The following LINGO2 variants were observed in gnomAD, a reference collection of about 807,000 sequenced individuals.
The protein encoded by LINGO2 is leucine-rich repeat and immunoglobulin-like domain-containing nogo receptor-interacting protein 2.
In LINGO2, 14 loss-of-function variants were observed where a neutral mutation model predicts 30.6. That is an observed-to-expected ratio of 0.46 (90% CI 0.30 to 0.72). The LOEUF (loss-of-function observed/expected upper bound fraction) is 0.72. LINGO2 is among the 30% of genes least tolerant of loss of function. The probability of loss-of-function intolerance (pLI) is 0.07; values close to 1 mark genes in which losing one functional copy is unlikely to be tolerated. For synonymous variants in LINGO2, 317 were observed against 288.5 expected (o/e 1.10, Z -1.00); for missense variants, 729 against 751.7 (o/e 0.97, Z 0.35).
At chr9:28,887,131 G>T in the LINGO2 span, among the ~76,000 whole-genome samples, 1 of 152,062 alleles carries the variant, frequency 6.6e-6, no homozygotes, top group African/African-American at 2.4e-5. Flanking sequence ...TGAACAAAGA[G>T]CTATACAAAC....
chr9:28,747,651 CA>C, the LINGO2 span, among the ~76,000 whole-genome samples: 1 of 152,092 alleles, frequency 6.6e-6, no homozygotes, highest in Non-Finnish European at 1.5e-5. Context: ...GGGGTTTGAG[CA>C]TGCAGTGGCC....
intron 3 of LINGO2, among the ~76,000 whole-genome samples, chr9:28,316,117 G>A (rs1824835765): frequency 6.6e-6 from 1 of 151,798 alleles, no homozygotes; most frequent in Admixed American, 6.6e-5. Context: ...TACATATGAA[G>A]CATTTAGTAT....
the LINGO2 span, among the ~76,000 whole-genome samples, chr9:28,742,251 T>A: frequency 1.4e-5 from 2 of 142,450 alleles, no homozygotes; most frequent in African/African-American, 5.3e-5. Flanking sequence ...TGTGTAAAAA[T>A]GTCCATCCTA....
intron 4 of LINGO2, among the ~76,000 whole-genome samples, chr9:28,072,449 T>C (rs549449276): frequency 7.9e-5 from 12 of 152,332 alleles, no homozygotes; most frequent in Middle Eastern, 6.8e-3. Context: ...TATAGCTTAC[T>C]TGGTGAAATG....
At chr9:28,575,406 AAC>A (rs1491084307) in intron 1 of LINGO2, among the ~76,000 whole-genome samples, 3 of 149,596 alleles carry the variant, frequency 2.0e-5, no homozygotes, top group African/African-American at 2.4e-5. Flanking sequence ...CAAAAAAAAA[AAC>A]AACAAAAAAA....
At position 28,523,155 on chromosome 9, in the gene LINGO2, T is replaced by G. The variant is rs10968639; in HGVS notation, c.-364-47130A>C. ...ATTTAATCCAGGAATAAAAGTTGCT[T>G]TAATATCCTAAAATAAATGAACACA... On this transcript the variant is annotated intron_variant, in intron 1 of 5. Transcript: ENST00000379992. 0.01 allele frequency among the ~76,000 whole-genome samples: 1,522 copies of G among 151,860 alleles called. 45 individuals carry two copies. In the East Asian group the frequency reaches 0.11, roughly 11 times the overall value.
chr9:28,794,176 C>T, the LINGO2 span, among the ~76,000 whole-genome samples: 1 of 152,082 alleles, frequency 6.6e-6, no homozygotes, highest in Non-Finnish European at 1.5e-5. Context: ...TGGCGGCGGG[C>T]GCCTGTAGTC....
At chr9:29,016,306 G>A in the LINGO2 span, among the ~76,000 whole-genome samples, 1 of 152,130 alleles carries the variant, frequency 6.6e-6, no homozygotes, top group Non-Finnish European at 1.5e-5. Flanking sequence ...GAAGAATAGG[G>A]ATGCACATCA....
chr9:28,651,923 TCTTTAA>T (rs1383790770), intron 1 of LINGO2, among the ~76,000 whole-genome samples: 2 of 152,306 alleles, frequency 1.3e-5, no homozygotes, highest in East Asian at 3.9e-4. Flanking sequence ...CACAATGTAT[TCTTTAA>T]CTTTATTTAC....
chr9:28,156,107 C>T (rs1828124650), intron 4 of LINGO2, among the ~76,000 whole-genome samples: 1 of 152,146 alleles, frequency 6.6e-6, no homozygotes, highest in Non-Finnish European at 1.5e-5. Flanking sequence ...ATTATTGAGA[C>T]AAGTATCTAA....
chr9:28,465,436 G>A (rs1825259830), intron 2 of LINGO2, among the ~76,000 whole-genome samples: 1 of 152,094 alleles, frequency 6.6e-6, no homozygotes, highest in Admixed American at 6.5e-5. Context: ...CTGAGTTTGG[G>A]ATCTGGGGTT....
chr9:29,116,205 C>A, the LINGO2 span, among the ~76,000 whole-genome samples: 1 of 151,826 alleles, frequency 6.6e-6, no homozygotes, highest in Non-Finnish European at 1.5e-5. Context: ...TTGTTTCTAA[C>A]TAATAGACTC....
At chr9:28,042,595 A>G (rs549799734) in intron 4 of LINGO2, among the ~76,000 whole-genome samples, 1 of 152,302 alleles carries the variant, frequency 6.6e-6, no homozygotes, top group South Asian at 2.1e-4. Flanking sequence ...AAAGGTACAA[A>G]TTCAAGAGGA....
At chr9:28,016,147 T>C (rs1003293150) in intron 4 of LINGO2, among the ~76,000 whole-genome samples, 1 of 152,130 alleles carries the variant, frequency 6.6e-6, no homozygotes, top group African/African-American at 2.4e-5. Context: ...TTTTCCCTCC[T>C]CATTCCAGCT....
chr9:29,196,889 T>C, the LINGO2 span, among the ~76,000 whole-genome samples: 1 of 152,074 alleles, frequency 6.6e-6, no homozygotes, highest in East Asian at 1.9e-4. Flanking sequence ...GCATTCTTCC[T>C]CACACTTTCT....
At chr9:28,182,077 C>A (rs111826869) in intron 4 of LINGO2, among the ~76,000 whole-genome samples, 2,373 of 152,190 alleles carry the variant, frequency 0.016, 45 homozygotes, top group African/African-American at 0.046. Flanking sequence ...TACAAGGCTA[C>A]AGTAACCAAA....
the LINGO2 span, among the ~76,000 whole-genome samples, chr9:28,713,515 T>A: frequency 6.6e-6 from 1 of 152,178 alleles, no homozygotes; most frequent in Non-Finnish European, 1.5e-5. Context: ...GATCATAAAA[T>A]GCTCCATGCT....
intron 1 of LINGO2, among the ~76,000 whole-genome samples, chr9:28,651,411 G>A (rs1455528963): frequency 1.3e-5 from 2 of 152,046 alleles, no homozygotes; most frequent in Non-Finnish European, 2.9e-5. Context: ...ACTAGCCATC[G>A]GGTTGTCTCC....
the LINGO2 span, among the ~76,000 whole-genome samples, chr9:28,690,844 T>G: frequency 2.0e-5 from 3 of 152,206 alleles, no homozygotes; most frequent in African/African-American, 7.2e-5. Context: ...ATAGCTTAAT[T>G]CCATTTGCAT....
Sources: gnomAD v4.1 joint callset for allele counts (sites outside exome capture counted in the v4.1 genomes callset) on GRCh38, gnomAD v4.1.1 for gene constraint, MANE v1.5 for transcripts, NCBI Gene and HGNC (gene_info 2026-07-23, HGNC 2026-07-21) for gene names.